The following OR4P4 variants were observed in gnomAD, a reference collection of about 807,000 sequenced individuals.
The protein encoded by OR4P4 is olfactory receptor 4P4.
OR4P4 carries 1 observed loss-of-function variant against 2.1 expected under a neutral mutation model. The observed-to-expected ratio is 0.47, with a 90% CI of 0.17 to 2.21. OR4P4 has a LOEUF of 2.21. Among genes scored for constraint, OR4P4 ranks in the 30% most tolerant of loss-of-function variants. The pLI is 0.27. For missense variants in OR4P4, 375 were observed against 376.5 expected, an observed-to-expected ratio of 1.00 and a Z score of 0.03; for synonymous variants, 129 against 133.2, an observed-to-expected ratio of 0.97 and a Z score of 0.22.
rs1231045854 is a variant in OR4P4, at chr11:55,638,447, G to A, written c.90G>A (p.Leu30=). The change falls in exon 2 of 2, where the codon TTG becomes TTA. Residue 30 remains leucine, a synonymous_variant. Transcript: ENST00000641760. Reference sequence around the variant, plus strand: ...AAGTCCTCTGCTTTGTATTATTTTTGTTTTGCTACATTGCTATTTGGATGG... The same window carrying A: ...AAGTCCTCTGCTTTGTATTATTTTTATTTTGCTACATTGCTATTTGGATGG... The A allele has an allele frequency of 3.4e-6, 5 of 1,465,534 alleles. 1 individual carries two copies. Among genetic ancestry groups the A allele is most frequent in the Admixed American group, 4.1e-5 (2 of 48,800 alleles). 90.8% of individuals were successfully genotyped at this position (1,465,534 alleles called of 1,614,324 possible). A position where few individuals can be genotyped will look rare whatever the true frequency, so the allele number is the denominator to read the frequency against.
chr11:55,640,198 T>C (rs1858441317), exon 2 of OR4P4: 1 of 136,324 alleles, frequency 7.3e-6, no homozygotes, highest in Non-Finnish European at 1.6e-5. Context: ...TTCTTGTACT[T>C]TGAAGAGTAA....
intron 1 of OR4P4, among the ~76,000 whole-genome samples, chr11:55,636,928 A>G (rs1858394901): frequency 7.2e-6 from 1 of 138,058 alleles, no homozygotes; most frequent in Non-Finnish European, 1.6e-5. Context: ...TGGCTGAATT[A>G]AGACAAGTAA....
At chr11:55,639,692 T>C (rs539572771) in exon 2 of OR4P4, 1 of 154,702 alleles carries the variant, frequency 6.5e-6, no homozygotes, top group Non-Finnish European at 1.4e-5. Flanking sequence ...GTATTGCCTG[T>C]GTACAGCTCA....
chr11:55,635,144 C>G (rs1283599512), exon 1 of OR4P4: 1 of 137,322 alleles, frequency 7.3e-6, no homozygotes, highest in Non-Finnish European at 1.6e-5. Context: ...AGATCTCAGT[C>G]ATAAAAATCT....
Position 55,637,041 on chromosome 11 carries a change from A to G in OR4P4, c.-30-1287A>G, listed in dbSNP as rs569998752. ...TTAAACATGGTGGTTCTATGTCTGT[A>G]AAAAAGTTGAACCCAGAAGAAAAAT... On this transcript the variant is annotated intron_variant, in intron 1 of 1. Coordinates refer to ENST00000641760, the Ensembl canonical transcript of OR4P4. 1.2e-4 allele frequency among the ~76,000 whole-genome samples: 17 copies of G among 138,170 alleles called. 5 individuals carry two copies. Among genetic ancestry groups the G allele is most frequent in the Non-Finnish European group, 2.1e-4 (13 of 61,874 alleles). 90.6% of individuals were successfully genotyped at this position (138,170 alleles called of 152,430 possible).
At position 55,638,654 on chromosome 11, in the gene OR4P4, C is replaced by G. The variant is rs764321363; in HGVS notation, c.297C>G (p.Leu99=). ...CCTATAATAACTGTATGATACAACT[C>G]TTTACCACCCATTTTTTTGGAGGCA... is the stretch of plus-strand genomic sequence containing the variant. The change falls in exon 2 of 2, where the codon CTC becomes CTG. Residue 99 remains leucine, a synonymous_variant. Coordinates refer to ENST00000641760, the Ensembl canonical transcript of OR4P4. 3.3e-6 allele frequency: 5 copies of G among 1,492,710 alleles called. 1 individual carries two copies. The Admixed American group carries it at 1.0e-4, about 30-fold the overall frequency. 92.5% of individuals were successfully genotyped at this position (1,492,710 alleles called of 1,614,324 possible).
chr11:55,639,153 G>C lies in OR4P4; in HGVS notation c.796G>C (p.Asp266His), dbSNP rs776080887. ...TAGACCGGTCACAACATTCTCAGAA[G>C]ATAAAGTGTTTGCCCTTTTTTATAC... is the stretch of plus-strand genomic sequence containing the variant. The change falls in exon 2 of 2, where the codon GAT becomes CAT. Residue 266 changes from aspartate to histidine, a missense_variant. Physicochemically the swap from Asp to His is moderately conservative, Grantham distance 81 (BLOSUM62 -1). Coordinates refer to ENST00000641760, the Ensembl canonical transcript of OR4P4. The C allele has an allele frequency of 8.7e-6, 13 of 1,493,564 alleles. 4 individuals carry two copies. The highest frequency in any genetic ancestry group is 1.2e-5 in the Non-Finnish European group (13 of 1,097,922). The allele number at this position is 1,493,564 out of a possible 1,614,324, so 92.5% of individuals were successfully genotyped here.
intron 1 of OR4P4, among the ~76,000 whole-genome samples, chr11:55,637,585 G>T (rs1409836124): frequency 7.3e-6 from 1 of 137,358 alleles, no homozygotes; most frequent in African/African-American, 2.5e-5. Flanking sequence ...ATGTTAACTT[G>T]GTAACATGGA....
intron 1 of OR4P4, among the ~76,000 whole-genome samples, chr11:55,637,036 T>C (rs548480662): frequency 1.4e-5 from 2 of 138,020 alleles, no homozygotes; most frequent in African/African-American, 5.0e-5. Flanking sequence ...TGGTTCTATG[T>C]CTGTAAAAAA....
In OR4P4 at chr11:55,639,280, G is replaced by A. The variant is rs777440938; in HGVS notation, c.923G>A (p.Arg308Lys). 6.3e-6 allele frequency: 9 copies of A among 1,433,004 alleles called. 1 individual carries two copies. Among genetic ancestry groups the A allele is most frequent in the Non-Finnish European group, 7.5e-6 (8 of 1,059,724 alleles). The allele number at this position is 1,433,004 out of a possible 1,614,324, so 88.8% of individuals were successfully genotyped here. A position where few individuals can be genotyped will look rare whatever the true frequency, so the allele number is the denominator to read the frequency against. The change falls in exon 2 of 2, where the codon AGA (arginine) becomes AAA (lysine). Residue 308 changes from arginine (R) to lysine (K), a missense_variant. Arg to Lys is a conservative substitution (Grantham distance 26, BLOSUM62 2). Coordinates refer to ENST00000641760, the Ensembl canonical transcript of OR4P4. ...TGGTGTTGTCAAATACTCCTGAAAA[G>A]AAATCAACTTTTCTGAATTGTTTCT...
chr11:55,638,861 C>G lies in OR4P4; in HGVS notation c.504C>G (p.Gly168=). 2 of 1,493,066 alleles carry G rather than the reference C, an allele frequency of 1.3e-6. 1 individual carries two copies. 92.5% of individuals were successfully genotyped at this position (1,493,066 alleles called of 1,614,324 possible). Reference sequence around the variant, plus strand: ...TCACCATCTTTGTACCATTTTGTGGCCCAAATGAGATAGATCACTACTTCT... The same window carrying G: ...TCACCATCTTTGTACCATTTTGTGGGCCAAATGAGATAGATCACTACTTCT... Residue 168 remains glycine, a synonymous_variant, in exon 2 of 2, where the codon GGC becomes GGG. Coordinates refer to ENST00000641760, the Ensembl canonical transcript of OR4P4.
At chr11:55,638,510 G>A in exon 2 of OR4P4, 1 of 1,486,466 alleles carries the variant, frequency 6.7e-7, no homozygotes, top group South Asian at 1.2e-5. Flanking sequence ...CGTGCACCCA[G>A]CTCATTCACC....
At chr11:55,636,804 G>T (rs1156901855) in intron 1 of OR4P4, among the ~76,000 whole-genome samples, 2 of 137,484 alleles carry the variant, frequency 1.5e-5, no homozygotes, top group Non-Finnish European at 3.2e-5. Flanking sequence ...TTAAGGTTGA[G>T]CTTCAGCATC....
chr11:55,638,227 A>G lies in OR4P4; in HGVS notation c.-30-101A>G. 5 of 535,520 alleles carry G rather than the reference A, an allele frequency of 9.3e-6. 1 individual carries two copies. The highest frequency in any genetic ancestry group is 3.2e-6 in the Non-Finnish European group (1 of 309,840). The allele number at this position is 535,520 out of a possible 1,614,324, so 33.2% of individuals were successfully genotyped here. ...ATACCAGATATTTACTCTCTGAACC[A>G]CTTGAATGAGGTAAATTAAATCTAG... is the stretch of plus-strand genomic sequence containing the variant. On this transcript the variant is annotated intron_variant, in intron 1 of 1. Coordinates refer to ENST00000641760, the Ensembl canonical transcript of OR4P4.
exon 2 of OR4P4, chr11:55,639,446 A>C: frequency 2.0e-6 from 1 of 512,590 alleles, no homozygotes; most frequent in Non-Finnish European, 3.4e-6. Context: ...ACATCTCTTT[A>C]ACAAATTGAA....
exon 2 of OR4P4, chr11:55,638,856 T>G (rs748260907): frequency 6.7e-7 from 1 of 1,493,712 alleles, no homozygotes; most frequent in South Asian, 1.2e-5. Context: ...TGTACCATTT[T>G]GTGGCCCAAA....
chr11:55,639,044 G>A, exon 2 of OR4P4: 1 of 1,492,194 alleles, frequency 6.7e-7, no homozygotes, highest in Non-Finnish European at 9.1e-7. Context: ...ACTCTGCAGA[G>A]AGACGCAGCA....
At chr11:55,639,038 T>G in exon 2 of OR4P4, 1 of 1,492,822 alleles carries the variant, frequency 6.7e-7, no homozygotes, top group Non-Finnish European at 9.1e-7. Context: ...GAGCATACTC[T>G]GCAGAGAGAC....
intron 1 of OR4P4, among the ~76,000 whole-genome samples, chr11:55,638,049 A>G (rs1210920261): frequency 7.2e-6 from 1 of 138,190 alleles, no homozygotes; most frequent in Non-Finnish European, 1.6e-5. Flanking sequence ...TTGGAAATAA[A>G]CATTCCCTAT....
Sources: allele counts gnomAD v4.1 joint callset (sites outside exome capture counted in the v4.1 genomes callset), GRCh38; gene constraint gnomAD v4.1.1; transcripts MANE v1.5; gene names NCBI Gene and HGNC (gene_info 2026-07-23, HGNC 2026-07-21).